Variants in CLPX observed in about 807,000 individuals in gnomAD.
The protein encoded by CLPX is ATP-dependent clpX-like chaperone, mitochondrial.
CLPX carries 34 observed loss-of-function variants against 76.4 expected under a neutral mutation model. That is an observed-to-expected ratio of 0.45 (90% CI 0.34 to 0.59). The LOEUF is 0.59. Ranked by LOEUF, CLPX falls within the 20% of genes least tolerant of loss-of-function variation. CLPX has a pLI of 0.01. For missense variants in CLPX, 613 were observed against 757.0 expected (o/e 0.81, Z 2.23); for synonymous variants, 248 against 270.9 (o/e 0.92, Z 0.83).
intron 6 of CLPX, 52 bp from the exon 7 acceptor site, chr15:65,158,803 GA>G (rs1215608049): frequency 2.1e-6 from 3 of 1,434,774 alleles, no homozygotes; most frequent in South Asian, 1.4e-5. Flanking sequence ...TTTACTTGAA[GA>G]AAATGTCCCA....
chr15:65,163,790 G>T (rs1247957415), intron 5 of CLPX, among the ~76,000 whole-genome samples: 1 of 152,058 alleles, frequency 6.6e-6, no homozygotes, highest in Admixed American at 6.6e-5. Context: ...CCAGGCCTAA[G>T]AAATAATATT....
At chr15:65,181,377 G>A (rs990477244) in intron 1 of CLPX, among the ~76,000 whole-genome samples, 12 of 152,074 alleles carry the variant, frequency 7.9e-5, no homozygotes, top group Admixed American at 2.0e-4. Context: ...TGGTTGCACA[G>A]TATCAATGTA....
At chr15:65,156,010 C>A (rs1448187945) in intron 9 of CLPX, among the ~76,000 whole-genome samples, 154 bp from the exon 10 acceptor site, 1 of 152,176 alleles carries the variant, frequency 6.6e-6, no homozygotes, top group African/African-American at 2.4e-5. Flanking sequence ...ACAAGAAAAT[C>A]TAATGCATTT....
At chr15:65,168,171 C>T (rs911718092) in intron 3 of CLPX, among the ~76,000 whole-genome samples, 4 of 151,200 alleles carry the variant, frequency 2.6e-5, no homozygotes, top group African/African-American at 4.9e-5. Flanking sequence ...GGACAGATCA[C>T]GAGGTCAGGA....
Position 65,178,953 on chromosome 15 carries a change from T to C in CLPX, c.339A>G (p.Thr113=). The C allele has an allele frequency of 6.2e-7, 1 of 1,602,890 alleles. No homozygotes were observed. The highest frequency in any genetic ancestry group is 8.5e-7 in the Non-Finnish European group (1 of 1,171,782). The part of the protein sequence containing the change: ...LRCPKCGDLC[T]HVETFVSSTR... ...ACTTACATACAAAGGTCTCTACATG[T>C]GTGCACAAGTCGCCACATTTAGGAC... The change falls in exon 3 of 14, where the codon ACA becomes ACG. Residue 113 remains threonine, a synonymous_variant. Transcript: ENST00000300107.
intron 8 of CLPX, 26 bp downstream of exon 8, chr15:65,157,719 TG>T: frequency 6.3e-7 from 1 of 1,595,716 alleles, no homozygotes; most frequent in Non-Finnish European, 8.5e-7. Context: ...ATTCTAAATC[TG>T]GGGACAGACC....
At chr15:65,177,720 T>G (rs985394915) in intron 3 of CLPX, among the ~76,000 whole-genome samples, 1 of 152,228 alleles carries the variant, frequency 6.6e-6, no homozygotes, top group South Asian at 2.1e-4. Context: ...ATTTGATTCA[T>G]TAATGAAAAT....
intron 9 of CLPX, among the ~76,000 whole-genome samples, chr15:65,156,359 T>G (rs989118626): frequency 2.0e-5 from 3 of 152,222 alleles, no homozygotes; most frequent in African/African-American, 7.2e-5. Flanking sequence ...GAAACAATTT[T>G]CCTCACCCTT....
At chr15:65,151,044 T>C (rs946059049) in intron 13 of CLPX, 131 bp from the exon 14 acceptor site, 16 of 608,008 alleles carry the variant, frequency 2.6e-5, no homozygotes, top group Admixed American at 1.8e-4. Context: ...AGGAGCACTT[T>C]TAATATTAAG....
Position 65,152,414 on chromosome 15 carries a change from T to C in CLPX, c.1811+16A>G, listed in dbSNP as rs1181186469. The C allele has an allele frequency of 7.4e-7, 1 of 1,353,442 alleles. No homozygotes were observed. Among genetic ancestry groups the C allele is most frequent in the Non-Finnish European group, 1.0e-6 (1 of 997,950 alleles). 83.8% of individuals were successfully genotyped at this position (1,353,442 alleles called of 1,614,324 possible). A position where few individuals can be genotyped will look rare whatever the true frequency, so the allele number is the denominator to read the frequency against. ...CTTAAATTTTGTATCTGTTCTGGCTTGAAAATACACTTTACCGGATGTATC... is the reference window on the plus strand; with the variant it reads ...CTTAAATTTTGTATCTGTTCTGGCTCGAAAATACACTTTACCGGATGTATC... On this transcript the variant is annotated intron_variant, in intron 13 of 13. Coordinates refer to ENST00000300107, the MANE Select transcript of CLPX (RefSeq NM_006660.5).
Position 65,185,127 on chromosome 15 carries a change from G to C in CLPX, c.27C>G (p.Cys9Trp), listed in dbSNP as rs766900625. 8 of 1,576,774 alleles carry C rather than the reference G, an allele frequency of 5.1e-6. No individual in the cohort carries two copies. Among genetic ancestry groups the C allele is most frequent in the Non-Finnish European group, 6.0e-6 (7 of 1,161,596 alleles). Reference protein sequence around the residue: MPSCGACTCGAAAVRLITS... With the variant: MPSCGACTWGAAAVRLITS... Reference sequence around the variant, plus strand: ...TGATGAGCCGGACGGCCGCCGCGCCGCAAGTACAAGCACCGCAGCTGGGCA... The same window carrying C: ...TGATGAGCCGGACGGCCGCCGCGCCCCAAGTACAAGCACCGCAGCTGGGCA... The change falls in exon 1 of 14, where the codon TGC (cysteine) becomes TGG (tryptophan). Residue 9 changes from cysteine (C) to tryptophan (W), a missense_variant. Coordinates refer to ENST00000300107, the MANE Select transcript of CLPX (RefSeq NM_006660.5).
chr15:65,179,996 G>A (rs773332049), intron 2 of CLPX, 48 bp downstream of exon 2: 2 of 1,374,740 alleles, frequency 1.5e-6, no homozygotes, highest in Non-Finnish European at 9.8e-7. Context: ...TTTTTTTAAA[G>A]GAGGGAACTC....
intron 6 of CLPX, among the ~76,000 whole-genome samples, chr15:65,160,727 T>C (rs1258867286): frequency 2.6e-5 from 4 of 152,184 alleles, no homozygotes; most frequent in African/African-American, 9.7e-5. Context: ...ATAATCTATG[T>C]ATTTAACTTA....
rs771502289 is a variant in CLPX, at chr15:65,185,120, C to A, written c.34G>T (p.Ala12Ser). Reference sequence around the variant, plus strand: ...GAGGAGGTGATGAGCCGGACGGCCGCCGCGCCGCAAGTACAAGCACCGCAG... The same window carrying A: ...GAGGAGGTGATGAGCCGGACGGCCGACGCGCCGCAAGTACAAGCACCGCAG... ...PSCGACTCGAAAVRLITSSLA... is the reference protein window; with the variant it reads ...PSCGACTCGASAVRLITSSLA... Residue 12 changes from alanine to serine, a missense_variant, in exon 1 of 14, where the codon GCG becomes TCG. Physicochemically the swap from Ala to Ser is moderately conservative, Grantham distance 99. Transcript: ENST00000300107. 1 of 1,580,730 alleles carries A rather than the reference C, an allele frequency of 6.3e-7. No homozygotes were observed. The highest frequency in any genetic ancestry group is 2.3e-5 in the East Asian group (1 of 43,624).
intron 3 of CLPX, among the ~76,000 whole-genome samples, chr15:65,173,555 AAG>A (rs1381444540): frequency 1.3e-5 from 2 of 152,156 alleles, no homozygotes; most frequent in Non-Finnish European, 2.9e-5. Flanking sequence ...ACATATACCC[AAG>A]AGAGTTAGAA....
chr15:65,168,862 CTTTT>C (rs879531675), intron 3 of CLPX, among the ~76,000 whole-genome samples: 1 of 144,324 alleles, frequency 6.9e-6, no homozygotes, highest in Non-Finnish European at 1.5e-5. Context: ...TTTCTTTTCT[CTTTT>C]TTTTTTTTGA....
chr15:65,167,889 G>GA (rs933326413), intron 3 of CLPX, among the ~76,000 whole-genome samples: 1 of 151,036 alleles, frequency 6.6e-6, no homozygotes, highest in Non-Finnish European at 1.5e-5. Flanking sequence ...CTCCATCTCA[G>GA]AAAAAAATAT....
intron 1 of CLPX, among the ~76,000 whole-genome samples, chr15:65,182,334 T>C (rs1213976765): frequency 1.3e-5 from 2 of 152,144 alleles, no homozygotes; most frequent in South Asian, 2.1e-4. Context: ...CAGAATAATA[T>C]TTTTAAATGT....
Position 65,154,977 on chromosome 15 carries a change from A to G in CLPX, c.1416T>C (p.Ile472=), listed in dbSNP as rs778887381. The G allele has an allele frequency of 6.2e-7, 1 of 1,614,038 alleles. No individual in the cohort carries two copies. Among genetic ancestry groups the G allele is most frequent in the Non-Finnish European group, 8.5e-7 (1 of 1,179,990 alleles). The change falls in exon 11 of 14, where the codon ATT becomes ATC. Residue 472 remains isoleucine (I), a synonymous_variant. Coordinates refer to ENST00000300107, the MANE Select transcript of CLPX (RefSeq NM_006660.5). ...RSGESNTHQD[I]EEKDRLLRHV... Reference sequence around the variant, plus strand: ...GACGCAATAACCGATCTTTTTCTTCAATGTCTTGGTGAGTATTCGATTCCC... The same window carrying G: ...GACGCAATAACCGATCTTTTTCTTCGATGTCTTGGTGAGTATTCGATTCCC...
Sources: gnomAD v4.1 joint callset for allele counts (sites outside exome capture counted in the v4.1 genomes callset) on GRCh38, gnomAD v4.1.1 for gene constraint, MANE v1.5 for transcripts, NCBI Gene and HGNC (gene_info 2026-07-23, HGNC 2026-07-21) for gene names.